The following GMPR2 variants were observed in gnomAD, a reference collection of about 807,000 sequenced individuals.
The protein encoded by GMPR2 is GMP reductase 2.
A neutral mutation model predicts 38.5 loss-of-function variants in GMPR2; 32 were observed. The observed-to-expected ratio is 0.83, with a 90% CI of 0.63 to 1.12. The LOEUF is 1.12. Among genes scored for constraint, GMPR2 ranks in the 50% most tolerant of loss-of-function variants. The pLI is 0.00. For synonymous variants in GMPR2, 154 were observed against 151.0 expected (o/e 1.02, Z -0.15); for missense variants, 396 against 432.1 (o/e 0.92, Z 0.74).
chr14:24,235,993 C>G lies in GMPR2; in HGVS notation c.318C>G (p.Gly106=). 2 of 1,614,108 alleles carry G rather than the reference C, an allele frequency of 1.2e-6. No individual in the cohort carries two copies. Among genetic ancestry groups the G allele is most frequent in the Non-Finnish European group, 1.7e-6 (2 of 1,179,952 alleles). The change falls in exon 5 of 10, where the codon GGC becomes GGG. Residue 106 remains glycine, a synonymous_variant. Transcript: ENST00000399440. ...LEHLAASSGT[G]SSDFEQLEQI... ...ATCTGGCTGCCAGCTCAGGCACAGG[C>G]TCTTCTGACTTTGAGCAGCTGGAAC...
chr14:24,235,486 G>A, intron 3 of GMPR2: 1 of 518,362 alleles, frequency 1.9e-6, no homozygotes, highest in East Asian at 3.2e-5. Flanking sequence ...TGTGCTGGCA[G>A]ATGAAATCCA....
intron 3 of GMPR2, among the ~76,000 whole-genome samples, chr14:24,234,986 G>C (rs1036874873): frequency 6.6e-6 from 1 of 152,216 alleles, no homozygotes; most frequent in African/African-American, 2.4e-5. Flanking sequence ...GCTGTCTCTT[G>C]TCTGTTTGCA....
chr14:24,234,669 C>G (rs2040251515), intron 3 of GMPR2, among the ~76,000 whole-genome samples: 1 of 152,168 alleles, frequency 6.6e-6, no homozygotes, highest in Admixed American at 6.5e-5. Context: ...AGAGCCAAGT[C>G]TTACTGTAAT....
At position 24,233,465 on chromosome 14, in the gene GMPR2, G is replaced by A. The variant is rs762028439; in HGVS notation, c.88-14G>A. On this transcript the variant is annotated splice_polypyrimidine_tract_variant and intron_variant, in intron 2 of 9. Coordinates refer to ENST00000399440, the MANE Select transcript of GMPR2 (RefSeq NM_001002002.3). ...GGATTAATGAAATGGTCAATTTCCT[G>A]TTCATATCTGCAGGTGGATCTCACA... 6 of 1,612,824 alleles carry A rather than the reference G, an allele frequency of 3.7e-6. No homozygotes were observed. Among genetic ancestry groups the A allele is most frequent in the Non-Finnish European group, 4.2e-6 (5 of 1,179,160 alleles).
At position 24,237,222 on chromosome 14, in the gene GMPR2, T is replaced by C. The variant is rs1021893769; in HGVS notation, c.548-23T>C. ...AAACACCTGTGGAGCACGTCATTCT[T>C]ACCCTTATCATGTTCTTCCTAGGCT... On this transcript the variant is annotated intron_variant, in intron 6 of 9. Transcript: ENST00000399440. 5 of 1,570,078 alleles carry C rather than the reference T, an allele frequency of 3.2e-6. No homozygotes were observed. In the African/African-American group the frequency reaches 5.4e-5, roughly 17 times the overall value.
chr14:24,235,761 A>C lies in GMPR2; in HGVS notation c.232A>C (p.Lys78Gln), dbSNP rs1156569904. ...GTTCTCTCTCTTCACTGCTGTCCAT[A>C]AGCACTATAGCCTCGTTCAGTGGCA... ...CKFSLFTAVH[K>Q]HYSLVQWQEF... The change falls in exon 4 of 10, where the codon AAG becomes CAG. Residue 78 changes from lysine to glutamine, a missense_variant. Lys to Gln is a moderately conservative substitution (Grantham distance 53, BLOSUM62 1). Transcript: ENST00000399440. 6.2e-7 allele frequency: 1 copy of C among 1,613,184 alleles called. No individual in the cohort carries two copies. The highest frequency in any genetic ancestry group is 1.3e-5 in the African/African-American group (1 of 74,888).
chr14:24,235,617 T>C, intron 3 of GMPR2, 120 bp from the exon 4 acceptor site: 1 of 744,468 alleles, frequency 1.3e-6, no homozygotes, highest in Non-Finnish European at 2.4e-6. Context: ...ACCTGAGTTC[T>C]TTGACTTGTT....
In GMPR2 at chr14:24,233,468, C is replaced by T. The variant is rs369103910; in HGVS notation, c.88-11C>T. 1.2e-6 allele frequency: 2 copies of T among 1,612,674 alleles called. No homozygotes were observed. Among genetic ancestry groups the T allele is most frequent in the African/African-American group, 2.7e-5 (2 of 74,804 alleles). On this transcript the variant is annotated splice_polypyrimidine_tract_variant and intron_variant, in intron 2 of 9. Coordinates refer to ENST00000399440, the MANE Select transcript of GMPR2 (RefSeq NM_001002002.3). ...TTAATGAAATGGTCAATTTCCTGTTCATATCTGCAGGTGGATCTCACAAGA... is the reference window on the plus strand; with the variant it reads ...TTAATGAAATGGTCAATTTCCTGTTTATATCTGCAGGTGGATCTCACAAGA...
At position 24,239,018 on chromosome 14, in the gene GMPR2, A is replaced by G. The variant is rs1248427856; in HGVS notation, c.*240A>G. ...CTGAGAAAATGATGCAAGAAAATCA[A>G]ATGGGAATCTGGGGACCCAACACAA... On this transcript the variant is annotated 3_prime_UTR_variant, in exon 10 of 10. Transcript: ENST00000399440. 1.7e-6 allele frequency: 1 copy of G among 604,888 alleles called. No individual in the cohort carries two copies. The highest frequency in any genetic ancestry group is 2.1e-5 in the Admixed American group (1 of 46,928). 37.5% of individuals were successfully genotyped at this position (604,888 alleles called of 1,614,324 possible).
chr14:24,237,391 T>C, intron 7 of GMPR2, 40 bp downstream of exon 7: 1 of 1,500,430 alleles, frequency 6.7e-7, no homozygotes, highest in Non-Finnish European at 9.3e-7. Context: ...GCGGGGTTTC[T>C]GCAGGGTATG....
chr14:24,238,609 T>G lies in GMPR2; in HGVS notation c.878T>G (p.Val293Gly), dbSNP rs558379130. The G allele has an allele frequency of 6.2e-7, 1 of 1,614,058 alleles. No homozygotes were observed. The highest frequency in any genetic ancestry group is 2.2e-5 in the East Asian group (1 of 44,884). ...AEYRASEGKT[V>G]EVPFKGDVEH... ...TTAAGAGCCTCAGAGGGAAAGACAG[T>G]GGAAGTTCCTTTTAAAGGAGATGTG... is the stretch of plus-strand genomic sequence containing the variant. Residue 293 changes from valine (V) to glycine (G), a missense_variant, in exon 10 of 10, where the codon GTG (valine) becomes GGG (glycine). Val to Gly is a moderately radical substitution (Grantham distance 109). Coordinates refer to ENST00000399440, the MANE Select transcript of GMPR2 (RefSeq NM_001002002.3).
At position 24,237,385 on chromosome 14, in the gene GMPR2, G is replaced by A. The variant is rs773639116; in HGVS notation, c.654+34G>A. 5 of 1,492,496 alleles carry A rather than the reference G, an allele frequency of 3.4e-6. No homozygotes were observed. The Admixed American group carries it at 8.4e-5, about 25-fold the overall frequency. The allele number at this position is 1,492,496 out of a possible 1,614,324, so 92.5% of individuals were successfully genotyped here. A position where few individuals can be genotyped will look rare whatever the true frequency, so the allele number is the denominator to read the frequency against. ...CAAGGGCAGGGTAGGGTATGAGCGG[G>A]GTTTCTGCAGGGTATGGAGGTGGCA... On this transcript the variant is annotated intron_variant, in intron 7 of 9. Coordinates refer to ENST00000399440, the MANE Select transcript of GMPR2 (RefSeq NM_001002002.3).
In GMPR2 at chr14:24,238,703, CAA is replaced by C. The variant is rs2040472957; in HGVS notation, c.974_975del (p.Lys325ArgfsTer21). 1.9e-6 allele frequency: 3 copies of C among 1,613,836 alleles called. No individual in the cohort carries two copies. The highest frequency in any genetic ancestry group is 1.7e-6 in the Non-Finnish European group (2 of 1,179,948). ...GTACCTATGTGGGAGCAGCTAAGCT[CAA>C]AGAGTTGAGCAGGAGAACTACCTTC... ...TCTYVGAAKL[K>X]ELSRRTTFIR... On this transcript the variant is annotated frameshift_variant, in exon 10 of 10. Coordinates refer to ENST00000399440, the MANE Select transcript of GMPR2 (RefSeq NM_001002002.3). LOFTEE classifies it high-confidence loss of function.
intron 9 of GMPR2, 66 bp downstream of exon 9, chr14:24,238,471 G>A (rs768787377): frequency 2.5e-6 from 4 of 1,613,990 alleles, no homozygotes; most frequent in African/African-American, 2.7e-5. Context: ...CTGAGAGGGG[G>A]ATGGTACAGT....
intron 7 of GMPR2, 82 bp from the exon 8 acceptor site, chr14:24,237,438 G>T: frequency 6.5e-7 from 1 of 1,534,206 alleles, no homozygotes; most frequent in Non-Finnish European, 9.0e-7. Context: ...CTGGGTTCTT[G>T]TTGGCTTTGA....
In GMPR2 at chr14:24,233,538, C is replaced by T; in HGVS notation, c.147C>T (p.Pro49=). The change falls in exon 3 of 10, where the codon CCC becomes CCT. Residue 49 remains proline (P), a synonymous_variant. Coordinates refer to ENST00000399440, the MANE Select transcript of GMPR2 (RefSeq NM_001002002.3). Reference sequence around the variant, plus strand: ...CAAAGCAGACATACTCTGGGGTTCCCATCATTGCTGCCAATATGGATACTG... The same window carrying T: ...CAAAGCAGACATACTCTGGGGTTCCTATCATTGCTGCCAATATGGATACTG... ...RNSKQTYSGV[P]IIAANMDTVG... 6.2e-7 allele frequency: 1 copy of T among 1,613,986 alleles called. No homozygotes were observed. Among genetic ancestry groups the T allele is most frequent in the South Asian group, 1.1e-5 (1 of 91,074 alleles).
chr14:24,238,626 G>T lies in GMPR2; in HGVS notation c.895G>T (p.Gly299Ter). 6.2e-7 allele frequency: 1 copy of T among 1,614,158 alleles called. No homozygotes were observed. Among genetic ancestry groups the T allele is most frequent in the African/African-American group, 1.3e-5 (1 of 75,036 alleles). ...EGKTVEVPFK[G>*]DVEHTIRDIL... ...AAAGACAGTGGAAGTTCCTTTTAAA[G>T]GAGATGTGGAACATACCATCCGAGA... The change falls in exon 10 of 10, where the codon GGA becomes TGA. Residue 299 changes from glycine to a stop codon, truncating the protein, a stop_gained. Transcript: ENST00000399440. LOFTEE classifies it high-confidence loss of function.
Position 24,237,371 on chromosome 14 carries a change from T to C in GMPR2, c.654+20T>C, listed in dbSNP as rs769137183. The stretch of plus-strand genomic sequence containing the variant: ...ATTTCAGTAAGGCTCAAGGGCAGGG[T>C]AGGGTATGAGCGGGGTTTCTGCAGG... On this transcript the variant is annotated intron_variant, in intron 7 of 9. Coordinates refer to ENST00000399440, the MANE Select transcript of GMPR2 (RefSeq NM_001002002.3). 6.5e-7 allele frequency: 1 copy of C among 1,530,860 alleles called. No homozygotes were observed. The highest frequency in any genetic ancestry group is 1.4e-5 in the African/African-American group (1 of 73,238). The allele number at this position is 1,530,860 out of a possible 1,614,324, so 94.8% of individuals were successfully genotyped here.
chr14:24,235,142 T>G (rs866558820), intron 3 of GMPR2, among the ~76,000 whole-genome samples: 1 of 152,238 alleles, frequency 6.6e-6, no homozygotes, highest in African/African-American at 2.4e-5. Context: ...TAAAATGGAC[T>G]GAATGAAACA....
Sources: allele counts gnomAD v4.1 joint callset (sites outside exome capture counted in the v4.1 genomes callset), GRCh38; gene constraint gnomAD v4.1.1; transcripts MANE v1.5; gene names NCBI Gene and HGNC (gene_info 2026-07-23, HGNC 2026-07-21).